Variants in GAL3ST2 observed in about 807,000 individuals in gnomAD.
The protein encoded by GAL3ST2 is beta-galactose-3-O-sulfotransferase 2.
A neutral mutation model predicts 12.9 loss-of-function variants in GAL3ST2; 16 were observed. The ratio of observed to expected loss-of-function variants is 1.24; its 90% CI spans 0.84 to 1.88. The LOEUF is 1.88. Ranked by LOEUF, GAL3ST2 falls within the 40% of genes most tolerant of loss-of-function variation. The pLI is 0.00. For synonymous variants in GAL3ST2, 302 were observed against 273.9 expected (o/e 1.10, Z -1.01); for missense variants, 639 against 571.8 (o/e 1.12, Z -1.20).
chr2:241,798,300 C>A (rs1470659246), intron 1 of GAL3ST2, among the ~76,000 whole-genome samples: 1 of 152,224 alleles, frequency 6.6e-6, no homozygotes, highest in Non-Finnish European at 1.5e-5. Context: ...GCTGTCACAA[C>A]AGACACCACA....
chr2:241,803,380 C>T lies in GAL3ST2; in HGVS notation c.411C>T (p.Phe137=), dbSNP rs781780110. 6.8e-6 allele frequency: 11 copies of T among 1,610,720 alleles called. No homozygotes were observed. The highest frequency in any genetic ancestry group is 1.7e-5 in the Admixed American group (1 of 59,794). The change falls in exon 4 of 4, where the codon TTC becomes TTT. Residue 137 remains phenylalanine (F), a synonymous_variant. Transcript: ENST00000192314. ...TCATGCCCAACGACACCTTCTACTT[C>T]TCCATCCTGAGGAACCCCGTGTTCC... The part of the protein sequence containing the change: ...QKVMPNDTFY[F]SILRNPVFQL...
intron 1 of GAL3ST2, 35 bp from the exon 2 acceptor site, chr2:241,799,030 C>T (rs1253771448): frequency 1.3e-6 from 2 of 1,574,114 alleles, no homozygotes; most frequent in Admixed American, 1.7e-5. Flanking sequence ...CTGGCACGAC[C>T]CGGACTGGGC....
Position 241,803,729 on chromosome 2 carries a change from A to G in GAL3ST2, c.760A>G (p.Asn254Asp). 6.5e-7 allele frequency: 1 copy of G among 1,535,566 alleles called. No homozygotes were observed. The highest frequency in any genetic ancestry group is 2.5e-5 in the East Asian group (1 of 39,340). ...ALDDVVAFRL[N>D]SRSARSVARL... ...GGACGACGTGGTGGCCTTCAGGCTC[A>G]ACTCCCGCAGCGCGCGCTCCGTGGC... is the stretch of plus-strand genomic sequence containing the variant. Residue 254 changes from asparagine (N) to aspartate (D), a missense_variant, in exon 4 of 4, where the codon AAC (asparagine) becomes GAC (aspartate). Coordinates refer to ENST00000192314, the MANE Select transcript of GAL3ST2 (RefSeq NM_022134.3).
intron 1 of GAL3ST2, among the ~76,000 whole-genome samples, chr2:241,792,384 A>C (rs1178779938): frequency 7.6e-6 from 1 of 131,362 alleles, no homozygotes; most frequent in Non-Finnish European, 1.6e-5. Context: ...GTGCTTTCTT[A>C]AAGCCCTGCA....
At chr2:241,797,659 G>A (rs1268015098) in intron 1 of GAL3ST2, among the ~76,000 whole-genome samples, 3 of 151,948 alleles carry the variant, frequency 2.0e-5, no homozygotes, top group Non-Finnish European at 2.9e-5. Context: ...CCATGGCAGC[G>A]CAGGAATGGT....
At chr2:241,785,977 TTGC>T (rs1699622291) in intron 1 of GAL3ST2, among the ~76,000 whole-genome samples, 1 of 152,224 alleles carries the variant, frequency 6.6e-6, no homozygotes, top group African/African-American at 2.4e-5. Flanking sequence ...CTGCGACAAA[TTGC>T]TGCTGTTTCA....
At chr2:241,796,809 C>A (rs1480142839) in intron 1 of GAL3ST2, among the ~76,000 whole-genome samples, 2 of 152,096 alleles carry the variant, frequency 1.3e-5, no homozygotes. Flanking sequence ...TGTTGGCAGC[C>A]CTGAGCTGGC....
intron 1 of GAL3ST2, among the ~76,000 whole-genome samples, chr2:241,789,119 C>G (rs986874505): frequency 1.3e-5 from 2 of 152,178 alleles, no homozygotes; most frequent in Non-Finnish European, 2.9e-5. Context: ...CAATAGAGTT[C>G]TTACGTCCCC....
chr2:241,791,436 A>G (rs1468618862), intron 1 of GAL3ST2, among the ~76,000 whole-genome samples: 1 of 152,170 alleles, frequency 6.6e-6, no homozygotes, highest in Non-Finnish European at 1.5e-5. Flanking sequence ...TGACTTATGG[A>G]GCCAATGAAA....
intron 2 of GAL3ST2, among the ~76,000 whole-genome samples, chr2:241,799,652 G>A (rs919269080): frequency 4.6e-5 from 7 of 152,226 alleles, no homozygotes; most frequent in African/African-American, 1.4e-4. Flanking sequence ...CTCCAGACAG[G>A]GCTTTAGCCA....
In GAL3ST2 at chr2:241,793,298, G is replaced by A. The variant is rs1181679342; in HGVS notation, c.30-5767G>A. On this transcript the variant is annotated intron_variant, in intron 1 of 3. Transcript: ENST00000192314. The surrounding 1 kb of genome is among the most constrained non-coding windows in gnomAD (Gnocchi z 4.7). ...TCCAGCGAGCTGGTCAGAAGGAACC[G>A]CAGGGGGATGTGTGTGTCCGTGTGT... Among the ~76,000 whole-genome samples the A allele has an allele frequency of 6.6e-6, 1 of 152,144 alleles. No homozygotes were observed. The highest frequency in any genetic ancestry group is 1.5e-5 in the Non-Finnish European group (1 of 68,020).
intron 3 of GAL3ST2, among the ~76,000 whole-genome samples, chr2:241,803,057 C>T (rs1699874013): frequency 6.6e-6 from 1 of 152,166 alleles, no homozygotes; most frequent in Non-Finnish European, 1.5e-5. Flanking sequence ...GCTCCTCCTC[C>T]CTCCTCCTGC....
Position 241,804,190 on chromosome 2 carries a change from C to G in GAL3ST2, c.*24C>G. On this transcript the variant is annotated 3_prime_UTR_variant, in exon 4 of 4. Coordinates refer to ENST00000192314, the MANE Select transcript of GAL3ST2 (RefSeq NM_022134.3). ...AGAGGGGCCGGGCCGGGGACGAGGCCTCCTGCGGACACCAGCTCCTCTCTC... is the reference window on the plus strand; with the variant it reads ...AGAGGGGCCGGGCCGGGGACGAGGCGTCCTGCGGACACCAGCTCCTCTCTC... The G allele has an allele frequency of 7.2e-7, 1 of 1,386,640 alleles. No homozygotes were observed. Among genetic ancestry groups the G allele is most frequent in the South Asian group, 1.6e-5 (1 of 61,060 alleles). 85.9% of individuals were successfully genotyped at this position (1,386,640 alleles called of 1,614,324 possible).
In GAL3ST2 at chr2:241,803,642, C is replaced by T; in HGVS notation, c.673C>T (p.Leu225Phe). The change falls in exon 4 of 4, where the codon CTC (leucine) becomes TTC (phenylalanine). Residue 225 changes from leucine to phenylalanine, a missense_variant. Physicochemically the swap from Leu to Phe is conservative, Grantham distance 22. Transcript: ENST00000192314. ...AEVERRFRLV[L>F]IAEHLDESLV... is the part of the protein sequence containing the mutation. The stretch of plus-strand genomic sequence containing the variant: ...GGTGGAGCGGCGCTTCCGGCTGGTG[C>T]TCATCGCCGAGCACCTGGACGAGTC... The T allele has an allele frequency of 1.3e-6, 2 of 1,551,740 alleles. No individual in the cohort carries two copies. The highest frequency in any genetic ancestry group is 1.7e-6 in the Non-Finnish European group (2 of 1,147,312).
At chr2:241,789,475 A>G (rs1239510589) in intron 1 of GAL3ST2, among the ~76,000 whole-genome samples, 2 of 152,246 alleles carry the variant, frequency 1.3e-5, no homozygotes, top group African/African-American at 4.8e-5. Context: ...TATTTCCTTT[A>G]ATATGCAAAT....
chr2:241,782,963 C>A (rs1205821539), intron 1 of GAL3ST2, among the ~76,000 whole-genome samples: 1 of 152,020 alleles, frequency 6.6e-6, no homozygotes, highest in African/African-American at 2.4e-5. Context: ...CATGGTGAAA[C>A]CCTGTCTCTA....
intron 1 of GAL3ST2, among the ~76,000 whole-genome samples, chr2:241,784,326 C>A (rs1227945300): frequency 6.6e-6 from 1 of 152,190 alleles, no homozygotes; most frequent in Admixed American, 6.5e-5. Flanking sequence ...AGCCACCATG[C>A]CCGGCCTAAA....
Position 241,799,048 on chromosome 2 carries a change from G to T in GAL3ST2, c.30-17G>T. 6.2e-7 allele frequency: 1 copy of T among 1,609,650 alleles called. No homozygotes were observed. The highest frequency in any genetic ancestry group is 8.5e-7 in the Non-Finnish European group (1 of 1,176,810). On this transcript the variant is annotated splice_polypyrimidine_tract_variant and intron_variant, in intron 1 of 3. Transcript: ENST00000192314. Reference sequence around the variant, plus strand: ...GCACGACCCGGACTGGGCACTCATGGCCTGCCCTTTCCACAGATACTTCCG... The same window carrying T: ...GCACGACCCGGACTGGGCACTCATGTCCTGCCCTTTCCACAGATACTTCCG...
chr2:241,802,666 G>A lies in GAL3ST2; in HGVS notation c.375+630G>A, dbSNP rs1699868988. ...GGGAGGAGGAGGGGCCGGGAGGAGG[G>A]GAAAGGAAGAGGGTGGGGGCAGGGA... On this transcript the variant is annotated intron_variant, in intron 3 of 3. Coordinates refer to ENST00000192314, the MANE Select transcript of GAL3ST2 (RefSeq NM_022134.3). This position sits in a 1 kb window ranked among gnomAD's most constrained non-coding sequence, Gnocchi z 4.8. Among the ~76,000 whole-genome samples, 1 of 150,396 alleles carries A rather than the reference G, an allele frequency of 6.6e-6. No individual in the cohort carries two copies. The highest frequency in any genetic ancestry group is 1.5e-5 in the Non-Finnish European group (1 of 67,464).
Sources: gnomAD v4.1 joint callset for allele counts (sites outside exome capture counted in the v4.1 genomes callset) on GRCh38, gnomAD v4.1.1 for gene constraint, Gnocchi (gnomAD v3.1) non-coding constraint, MANE v1.5 for transcripts, NCBI Gene and HGNC (gene_info 2026-07-23, HGNC 2026-07-21) for gene names.